TRAPPC9: variants seen among roughly 807,000 people sequenced by gnomAD.
TRAPPC9 encodes IKK2 binding protein.
A neutral mutation model predicts 124.0 loss-of-function variants in TRAPPC9; 83 were observed. The observed-to-expected ratio is 0.67, with a 90% CI of 0.56 to 0.80. The LOEUF (loss-of-function observed/expected upper bound fraction) is 0.80, where lower values mean the gene tolerates loss of function less well. Among genes scored for constraint, TRAPPC9 ranks in the 30% least tolerant of loss-of-function variants. TRAPPC9 has a pLI of 0.00. For missense variants in TRAPPC9, 1,302 were observed against 1,508.3 expected, an observed-to-expected ratio of 0.86 and a Z score of 2.27; for synonymous variants, 638 against 617.5, an observed-to-expected ratio of 1.03 and a Z score of -0.49.
intron 15 of TRAPPC9, among the ~76,000 whole-genome samples, chr8:140,253,497 G>T (rs2064176062): frequency 1.3e-5 from 2 of 152,054 alleles, no homozygotes; most frequent in Non-Finnish European, 2.9e-5. Context: ...GGACAACATG[G>T]TGAAACCCCA....
At position 139,815,393 on chromosome 8, in the gene TRAPPC9, C is replaced by CTTT. The variant is rs33934110; in HGVS notation, c.3055+70483_3055+70485dup. Among the ~76,000 whole-genome samples the CTTT allele has an allele frequency of 8.5e-4, 124 of 145,614 alleles. 2 individuals are homozygous for CTTT. Among genetic ancestry groups the CTTT allele is most frequent in the African/African-American group, 1.5e-3 (58 of 39,472 alleles). ...CACCACAACTACTCAGCATTCATAA[C>CTTT]TTTTTTTTTTTTTTGAGACCGTCTC... is the stretch of plus-strand genomic sequence containing the variant. On this transcript the variant is annotated intron_variant, in intron 21 of 22. Transcript: ENST00000438773.
intron 15 of TRAPPC9, among the ~76,000 whole-genome samples, chr8:140,268,891 C>A (rs1337801366): frequency 2.0e-5 from 3 of 152,178 alleles, no homozygotes; most frequent in Non-Finnish European, 2.9e-5. Flanking sequence ...CCTTGGAATT[C>A]TGTCCCGCTG....
At chr8:140,278,839 C>G (rs1026547300) in intron 14 of TRAPPC9, among the ~76,000 whole-genome samples, 1 of 152,248 alleles carries the variant, frequency 6.6e-6, no homozygotes. Context: ...TGCTCCTCTG[C>G]GCGTCTCCTC....
At chr8:140,062,674 C>T (rs2132150133) in intron 17 of TRAPPC9, among the ~76,000 whole-genome samples, 1 of 152,286 alleles carries the variant, frequency 6.6e-6, no homozygotes, top group Non-Finnish European at 1.5e-5. Flanking sequence ...TGCTTGTCTG[C>T]TCTCCTACTA....
intron 6 of TRAPPC9, among the ~76,000 whole-genome samples, chr8:140,399,095 C>A (rs35162764): frequency 1.1e-4 from 17 of 152,060 alleles, no homozygotes; most frequent in Admixed American, 1.0e-3. Flanking sequence ...GTGGGTGCAC[C>A]GAAGTCAATA....
intron 17 of TRAPPC9, among the ~76,000 whole-genome samples, chr8:140,187,093 A>G (rs1309254674): frequency 1.3e-5 from 2 of 152,144 alleles, no homozygotes; most frequent in Admixed American, 6.5e-5. Context: ...ATTTCTTCAG[A>G]TTTCTGAATA....
At chr8:139,782,659 T>C (rs370601442) in intron 21 of TRAPPC9, among the ~76,000 whole-genome samples, 158 of 152,208 alleles carry the variant, frequency 1.0e-3, no homozygotes, top group Non-Finnish European at 1.0e-3. Context: ...TACCAGCAAA[T>C]AGAAAATCAG....
intron 21 of TRAPPC9, among the ~76,000 whole-genome samples, chr8:139,853,305 G>C (rs1375627819): frequency 6.6e-6 from 1 of 152,198 alleles, no homozygotes; most frequent in African/African-American, 2.4e-5. Context: ...CATGAGAAAA[G>C]GAGGAGGGGA....
At position 139,883,172 on chromosome 8, in the gene TRAPPC9, C is replaced by T. The variant is rs565724092; in HGVS notation, c.3055+2707G>A. On this transcript the variant is annotated intron_variant, in intron 21 of 22. Transcript: ENST00000438773. The stretch of plus-strand genomic sequence containing the variant: ...GACTTTATAAGAAAAGGAAGAGACA[C>T]CTGAGCTAGCACATGAGTACGCTCA... Among the ~76,000 whole-genome samples the T allele has an allele frequency of 4.6e-5, 7 of 152,254 alleles. No homozygotes were observed. The East Asian group carries it at 1.2e-3, about 25-fold the overall frequency.
intron 17 of TRAPPC9, among the ~76,000 whole-genome samples, chr8:140,157,023 T>TTTCCATTCAAAAGCCTCCC (rs1563804261): frequency 4.3e-4 from 9 of 21,076 alleles, no homozygotes; most frequent in African/African-American, 7.2e-4. Flanking sequence ...GAAGCCTCCC[T>TTTCCATTCAAAAGCCTCCC]TTTCCATTCA....
At chr8:139,842,105 G>A (rs894277011) in intron 21 of TRAPPC9, among the ~76,000 whole-genome samples, 4 of 152,238 alleles carry the variant, frequency 2.6e-5, no homozygotes, top group Admixed American at 1.3e-4. Context: ...TTAGAAACTA[G>A]GAACTCTGCA....
chr8:140,444,939 G>A (rs931514666), intron 2 of TRAPPC9, among the ~76,000 whole-genome samples: 7 of 151,178 alleles, frequency 4.6e-5, no homozygotes, highest in East Asian at 1.9e-4. Context: ...GGGTCAGCCC[G>A]GGGCCTTCCT....
intron 21 of TRAPPC9, among the ~76,000 whole-genome samples, chr8:139,807,399 A>C (rs1409875550): frequency 6.6e-6 from 1 of 152,194 alleles, no homozygotes; most frequent in African/African-American, 2.4e-5. Flanking sequence ...TGGCCAGCAG[A>C]GGTGGCAGTT....
chr8:140,450,232 C>T (rs963306023), intron 2 of TRAPPC9, among the ~76,000 whole-genome samples: 1 of 152,052 alleles, frequency 6.6e-6, no homozygotes, highest in Non-Finnish European at 1.5e-5. Flanking sequence ...ATGGTGGCAC[C>T]TGCCTGTAGT....
intron 17 of TRAPPC9, among the ~76,000 whole-genome samples, chr8:140,036,525 T>C (rs7011932): frequency 0.78 from 118,117 of 152,116 alleles, 46,789 homozygotes; most frequent in African/African-American, 0.93. Context: ...TTACTCAAGT[T>C]GGGGAGAGAG....
chr8:139,855,805 G>T lies in TRAPPC9; in HGVS notation c.3055+30074C>A, dbSNP rs764935756. 2.6e-5 allele frequency among the ~76,000 whole-genome samples: 4 copies of T among 152,328 alleles called. No homozygotes were observed. The East Asian group carries it at 5.8e-4, about 22-fold the overall frequency. ...CCCTTGTGAAGAGGCCACTTGATGC[G>T]TGGTTTATAAAGCTCATAAGACTGG... On this transcript the variant is annotated intron_variant, in intron 21 of 22. Coordinates refer to ENST00000438773, the MANE Select transcript of TRAPPC9 (RefSeq NM_001160372.4).
intron 15 of TRAPPC9, among the ~76,000 whole-genome samples, chr8:140,272,004 T>G (rs916049389): frequency 8.0e-6 from 1 of 124,318 alleles, no homozygotes; most frequent in Non-Finnish European, 1.7e-5. Context: ...GTGGTAGTGA[T>G]GGTGGTGACG....
At chr8:139,917,761 A>C (rs1832246675) in intron 19 of TRAPPC9, among the ~76,000 whole-genome samples, 1 of 152,238 alleles carries the variant, frequency 6.6e-6, no homozygotes. Context: ...GAGAAGTCAA[A>C]GCCAGGCTGG....
chr8:139,791,682 T>C (rs941658560), intron 21 of TRAPPC9, among the ~76,000 whole-genome samples: 1 of 152,152 alleles, frequency 6.6e-6, no homozygotes, highest in Non-Finnish European at 1.5e-5. Flanking sequence ...GGATGTTGTA[T>C]GGATTGGCGC....
Sources: allele counts gnomAD v4.1 joint callset (sites outside exome capture counted in the v4.1 genomes callset), GRCh38; gene constraint gnomAD v4.1.1; transcripts MANE v1.5; gene names NCBI Gene and HGNC (gene_info 2026-07-23, HGNC 2026-07-21).